The following OBI1 variants were observed in gnomAD, a reference collection of about 807,000 sequenced individuals.
The protein encoded by OBI1 is ORC ubiquitin ligase 1, also known as ring finger protein 219.
A neutral mutation model predicts 62.4 loss-of-function variants in OBI1; 59 were observed. The observed-to-expected ratio is 0.95, with a 90% CI of 0.77 to 1.17. The LOEUF (loss-of-function observed/expected upper bound fraction) is 1.17, where lower values mean the gene tolerates loss of function less well. Among genes scored for constraint, OBI1 ranks in the 50% most tolerant of loss-of-function variants. The probability of loss-of-function intolerance (pLI) is 0.00; values close to 1 mark genes in which losing one functional copy is unlikely to be tolerated. For synonymous variants in OBI1, 302 were observed against 292.8 expected, an observed-to-expected ratio of 1.03 and a Z score of -0.32; for missense variants, 875 against 830.9, an observed-to-expected ratio of 1.05 and a Z score of -0.65.
At chr13:78,621,378 C>G (rs1373259675) in intron 5 of OBI1, among the ~76,000 whole-genome samples, 2 of 152,122 alleles carry the variant, frequency 1.3e-5, no homozygotes, top group Non-Finnish European at 2.9e-5. Flanking sequence ...ATCAGTGACC[C>G]ATCAAGTCAC....
intron 1 of OBI1, among the ~76,000 whole-genome samples, chr13:78,652,204 A>G (rs1566287570): frequency 6.6e-6 from 1 of 152,218 alleles, no homozygotes; most frequent in Admixed American, 6.5e-5. Flanking sequence ...GATGATTTCT[A>G]GACAACTCAA....
intron 5 of OBI1, among the ~76,000 whole-genome samples, chr13:78,618,481 C>G (rs1254596626): frequency 6.6e-6 from 1 of 152,052 alleles, no homozygotes. Context: ...CCACTTAATG[C>G]CCATCACCTC....
chr13:78,640,979 G>GC (rs761666416), intron 3 of OBI1, among the ~76,000 whole-genome samples: 4 of 151,686 alleles, frequency 2.6e-5, no homozygotes, highest in African/African-American at 9.7e-5. Context: ...TGTGACTATT[G>GC]CAAGTATTAG....
At position 78,638,859 on chromosome 13, in the gene OBI1, A is replaced by G. The variant is rs1344936979; in HGVS notation, c.513T>C (p.Tyr171=). Residue 171 remains tyrosine (Y), a synonymous_variant, in exon 4 of 6, where the codon TAT becomes TAC. Coordinates refer to ENST00000282003, the MANE Select transcript of OBI1 (RefSeq NM_024546.4). ...TATCCACATCATCTTTCACTTTTTC[A>G]TAGATTTCATTAGCTGTTCTGAGTT... is the stretch of plus-strand genomic sequence containing the variant. ...KKKLRTANEI[Y]EKVKDDVDKL... 1.9e-6 allele frequency: 3 copies of G among 1,613,288 alleles called. No homozygotes were observed. The highest frequency in any genetic ancestry group is 1.1e-5 in the South Asian group (1 of 90,954).
chr13:78,626,622 T>C (rs1036758886), intron 5 of OBI1, among the ~76,000 whole-genome samples: 6 of 151,962 alleles, frequency 3.9e-5, no homozygotes, highest in African/African-American at 1.5e-4. Flanking sequence ...CAAGAGAAGC[T>C]AATGTGGAGA....
intron 1 of OBI1, among the ~76,000 whole-genome samples, chr13:78,656,400 T>C (rs1181342468): frequency 6.6e-6 from 1 of 151,806 alleles, no homozygotes; most frequent in Non-Finnish European, 1.5e-5. Flanking sequence ...CTGACCAACA[T>C]GGAGAAACCC....
chr13:78,656,731 G>T (rs1288449880), intron 1 of OBI1, among the ~76,000 whole-genome samples: 1 of 43,048 alleles, frequency 2.3e-5, no homozygotes, highest in Admixed American at 2.2e-4. Flanking sequence ...ATGGTACCTG[G>T]GGGGGGGGGG....
chr13:78,656,739 G>T lies in OBI1; in HGVS notation c.72+2310C>A, dbSNP rs577492997. On this transcript the variant is annotated intron_variant, in intron 1 of 5. Transcript: ENST00000282003. Reference sequence around the variant, plus strand: ...TGCTTCCATGGTACCTGGGGGGGGGGGGGGAGGAGCCTGTTTAAAAATCCT... The same window carrying T: ...TGCTTCCATGGTACCTGGGGGGGGGTGGGGAGGAGCCTGTTTAAAAATCCT... Among the ~76,000 whole-genome samples the T allele has an allele frequency of 6.7e-5, 8 of 119,408 alleles. 1 individual carries two copies. In the East Asian group the frequency reaches 1.2e-3, roughly 17 times the overall value. The allele number at this position is 119,408 out of a possible 152,430, so 78.3% of individuals were successfully genotyped here. A position where few individuals can be genotyped will look rare whatever the true frequency, so the allele number is the denominator to read the frequency against.
intron 3 of OBI1, among the ~76,000 whole-genome samples, chr13:78,639,899 G>A (rs1011495765): frequency 4.7e-5 from 7 of 147,936 alleles, no homozygotes; most frequent in African/African-American, 7.5e-5. Context: ...GCTAGATGAC[G>A]AGTTAGTGGG....
intron 1 of OBI1, among the ~76,000 whole-genome samples, chr13:78,647,539 T>C (rs1876420975): frequency 6.6e-6 from 1 of 152,232 alleles, no homozygotes; most frequent in African/African-American, 2.4e-5. Context: ...ACATGTTTTC[T>C]TGCTGACCTT....
At chr13:78,637,035 T>A (rs1381135928) in intron 4 of OBI1, among the ~76,000 whole-genome samples, 1 of 152,244 alleles carries the variant, frequency 6.6e-6, no homozygotes, top group Non-Finnish European at 1.5e-5. Flanking sequence ...GAGTTCTGCC[T>A]ACCTTTTGCA....
chr13:78,634,578 T>C (rs1293991662), intron 5 of OBI1, among the ~76,000 whole-genome samples: 2 of 152,280 alleles, frequency 1.3e-5, no homozygotes, highest in East Asian at 3.9e-4. Context: ...ATTACAAGCA[T>C]GAGCCACTGC....
At position 78,658,991 on chromosome 13, in the gene OBI1, C is replaced by G. The variant is rs1876797601; in HGVS notation, c.72+58G>C. ...CGCCCCCGCACGAGACGGCCCTCGG[C>G]CCCGGCGAGCGACTTATCCAACCCC... On this transcript the variant is annotated intron_variant, in intron 1 of 5. Coordinates refer to ENST00000282003, the MANE Select transcript of OBI1 (RefSeq NM_024546.4). The G allele has an allele frequency of 2.7e-6, 4 of 1,503,518 alleles. No homozygotes were observed. The African/African-American group carries it at 5.5e-5, about 21-fold the overall frequency. The allele number at this position is 1,503,518 out of a possible 1,614,324, so 93.1% of individuals were successfully genotyped here.
At chr13:78,617,785 T>C (rs959637439) in intron 5 of OBI1, among the ~76,000 whole-genome samples, 3 of 152,176 alleles carry the variant, frequency 2.0e-5, no homozygotes, top group Admixed American at 1.3e-4. Context: ...ATCTCATTTC[T>C]TTCAACTTTG....
rs190330072 is a variant in OBI1, at chr13:78,644,112, C to T, written c.208+750G>A. Among the ~76,000 whole-genome samples the T allele has an allele frequency of 3.3e-5, 5 of 152,284 alleles. No homozygotes were observed. In the East Asian group the frequency reaches 5.8e-4, roughly 18 times the overall value. ...TGTTTTCACCCTTAATCCAAACTTACATTTTCTATCACCTAGGCAAAAGCC... is the reference window on the plus strand; with the variant it reads ...TGTTTTCACCCTTAATCCAAACTTATATTTTCTATCACCTAGGCAAAAGCC... On this transcript the variant is annotated intron_variant, in intron 2 of 5. Coordinates refer to ENST00000282003, the MANE Select transcript of OBI1 (RefSeq NM_024546.4).
chr13:78,647,826 G>GCT (rs34642870), intron 1 of OBI1, among the ~76,000 whole-genome samples: 55,944 of 151,944 alleles, frequency 0.37, 10,599 homozygotes, highest in African/African-American at 0.39. Context: ...GTTACAAAGA[G>GCT]CTCTGGTCTC....
chr13:78,616,097 C>T lies in OBI1; in HGVS notation c.1664G>A (p.Cys555Tyr). The part of the protein sequence containing the change: ...MSESDNSKSP[C>Y]NNGFKSLDLD... ...ATCCAGTGACTTAAAACCGTTATTA[C>T]AAGGGCTCTTGCTGTTGTCTGACTC... The change falls in exon 6 of 6, where the codon TGT becomes TAT. Residue 555 changes from cysteine to tyrosine, a missense_variant. Physicochemically the swap from Cys to Tyr is radical, Grantham distance 194. Coordinates refer to ENST00000282003, the MANE Select transcript of OBI1 (RefSeq NM_024546.4). The T allele has an allele frequency of 6.2e-7, 1 of 1,614,138 alleles. No homozygotes were observed. Among genetic ancestry groups the T allele is most frequent in the Non-Finnish European group, 8.5e-7 (1 of 1,180,030 alleles).
intron 3 of OBI1, among the ~76,000 whole-genome samples, chr13:78,640,386 A>G (rs947178509): frequency 6.6e-6 from 1 of 152,200 alleles, no homozygotes; most frequent in African/African-American, 2.4e-5. Flanking sequence ...ATAATAACCA[A>G]TACAAAGTAA....
intron 5 of OBI1, among the ~76,000 whole-genome samples, chr13:78,624,210 T>A (rs1295854118): frequency 6.6e-6 from 1 of 152,208 alleles, no homozygotes; most frequent in Non-Finnish European, 1.5e-5. Context: ...AGCTACGTTA[T>A]GTTGCATCTT....
Sources: allele counts gnomAD v4.1 joint callset (sites outside exome capture counted in the v4.1 genomes callset), GRCh38; gene constraint gnomAD v4.1.1; transcripts MANE v1.5; gene names NCBI Gene and HGNC (gene_info 2026-07-23, HGNC 2026-07-21).